IPO8: variants seen among roughly 807,000 people sequenced by gnomAD.
IPO8 encodes importin-8.
IPO8 carries 65 observed loss-of-function variants against 141.2 expected under a neutral mutation model. The ratio of observed to expected loss-of-function variants is 0.46; its 90% CI spans 0.38 to 0.57. The LOEUF is 0.57. IPO8 is among the 20% of genes least tolerant of loss of function. IPO8 has a pLI of 0.00. For synonymous variants in IPO8, 411 were observed against 420.3 expected (o/e 0.98, Z 0.27); for missense variants, 980 against 1,246.8 (o/e 0.79, Z 3.22).
At position 30,682,946 on chromosome 12, in the gene IPO8, C is replaced by T. The variant is rs1249444367; in HGVS notation, c.324-1129G>A. ...GGAGCAAAGCCACAGAGAACCGTCC[C>T]GTAATAAAGATAAAAGATCTCCTTT... On this transcript the variant is annotated intron_variant, in intron 3 of 24. Coordinates refer to ENST00000256079, the MANE Select transcript of IPO8 (RefSeq NM_006390.4). Among the ~76,000 whole-genome samples, 6 of 151,938 alleles carry T rather than the reference C, an allele frequency of 3.9e-5. No homozygotes were observed. The South Asian group carries it at 8.3e-4, about 21-fold the overall frequency.
At position 30,662,494 on chromosome 12, in the gene IPO8, C is replaced by T; in HGVS notation, c.1595-7G>A. ...GGCTTCATATATTCCTTAGCTAATT[C>T]AATAAAACAAACAAAAGTAATAAAA... On this transcript the variant is annotated splice_region_variant and splice_polypyrimidine_tract_variant and intron_variant, in intron 14 of 24. Transcript: ENST00000256079. The T allele has an allele frequency of 6.2e-7, 1 of 1,602,746 alleles. No homozygotes were observed. The highest frequency in any genetic ancestry group is 8.5e-7 in the Non-Finnish European group (1 of 1,172,126).
At chr12:30,669,093 T>C (rs2053010144) in intron 10 of IPO8, 90 bp downstream of exon 10, 5 of 560,540 alleles carry the variant, frequency 8.9e-6, no homozygotes, top group South Asian at 5.9e-5. Flanking sequence ...GGAGATTTAA[T>C]AAAGTAATAA....
In IPO8 at chr12:30,633,964, T is replaced by A. The variant is rs954985985; in HGVS notation, c.2899+119A>T. 3 of 799,816 alleles carry A rather than the reference T, an allele frequency of 3.8e-6. No homozygotes were observed. The African/African-American group carries it at 5.3e-5, about 14-fold the overall frequency. The allele number at this position is 799,816 out of a possible 1,614,324, so 49.5% of individuals were successfully genotyped here. On this transcript the variant is annotated intron_variant, in intron 23 of 24. Transcript: ENST00000256079. ...GTTTGGGGATTTCTATCATAAGGAA[T>A]AAACAAAAAAATTTTTAAAAGAACC...
chr12:30,680,509 A>T lies in IPO8; in HGVS notation c.612T>A (p.Ile204=), dbSNP rs777300965. The T allele has an allele frequency of 6.2e-7, 1 of 1,611,456 alleles. No homozygotes were observed. The highest frequency in any genetic ancestry group is 8.5e-7 in the Non-Finnish European group (1 of 1,178,886). The change falls in exon 5 of 25, where the codon ATT becomes ATA. Residue 204 remains isoleucine, a synonymous_variant. Transcript: ENST00000256079. ...SYYSVLLQKQ[I]LKIFYALVQY... is the part of the protein sequence containing the mutation. ...GAACAAGTGCATAAAAGATTTTCAG[A>T]ATTTGTTTCTGCAGTAATACAGAAT...
At position 30,637,076 on chromosome 12, in the gene IPO8, G is replaced by C. The variant is rs373155571; in HGVS notation, c.2601C>G (p.Phe867Leu). ...AGACCTGCTTTAGGCCAAGGAAAAG[G>C]AAAAGAATTGAGGGAACAATCTGTC... ...VVGQIVPSIL[F>L]LFLGLKQVCA... Residue 867 changes from phenylalanine to leucine, a missense_variant, in exon 22 of 25, where the codon TTC (phenylalanine) becomes TTG (leucine). Around this residue, in one of 3 missense-constraint regions of IPO8, gnomAD observed 924 missense variants for 1,153.9 expected, o/e 0.80. Coordinates refer to ENST00000256079, the MANE Select transcript of IPO8 (RefSeq NM_006390.4). The C allele has an allele frequency of 2.5e-5, 40 of 1,613,882 alleles. No homozygotes were observed. The highest frequency in any genetic ancestry group is 3.1e-5 in the Non-Finnish European group (37 of 1,179,966).
chr12:30,665,679 G>T, intron 12 of IPO8, 50 bp downstream of exon 12: 2 of 1,152,640 alleles, frequency 1.7e-6, no homozygotes, highest in Non-Finnish European at 2.6e-6. Context: ...TCTCTCATTT[G>T]CCTGTACTTT....
intron 17 of IPO8, among the ~76,000 whole-genome samples, chr12:30,655,077 G>C (rs78081737): frequency 0.038 from 5,826 of 152,062 alleles, 357 homozygotes; most frequent in African/African-American, 0.13. Context: ...ACTATGTTAA[G>C]TGAAATAAGC....
intron 3 of IPO8, among the ~76,000 whole-genome samples, chr12:30,683,436 T>C (rs73077887): frequency 0.059 from 8,972 of 152,252 alleles, 351 homozygotes; most frequent in Middle Eastern, 0.12. Flanking sequence ...CCTCTTGATA[T>C]TAAAAAATTT....
At chr12:30,683,095 C>A (rs1017041455) in intron 3 of IPO8, among the ~76,000 whole-genome samples, 5 of 152,096 alleles carry the variant, frequency 3.3e-5, no homozygotes, top group African/African-American at 9.7e-5. Context: ...TCATTCCAAG[C>A]AAAGGATGGT....
chr12:30,631,507 T>C (rs2052432068), intron 24 of IPO8: 1 of 170,250 alleles, frequency 5.9e-6, no homozygotes, highest in Non-Finnish European at 1.3e-5. Flanking sequence ...TAGAGAGCAT[T>C]CCATTTCCAG....
At position 30,671,034 on chromosome 12, in the gene IPO8, C is replaced by T. The variant is rs374586895; in HGVS notation, c.972G>A (p.Gln324=). ...CTTGGTTGAGATAGTTGAATGCTTG[C>T]TGAAGAACACGGGGAGCTACATATT... ...QKEYVAPRVL[Q]QAFNYLNQGV... is the part of the protein sequence containing the mutation. The change falls in exon 9 of 25, where the codon CAG becomes CAA. Residue 324 remains glutamine, a synonymous_variant. Coordinates refer to ENST00000256079, the MANE Select transcript of IPO8 (RefSeq NM_006390.4). The T allele has an allele frequency of 5.6e-6, 9 of 1,612,310 alleles. No individual in the cohort carries two copies. The highest frequency in any genetic ancestry group is 6.8e-6 in the Non-Finnish European group (8 of 1,178,500).
In IPO8 at chr12:30,634,171, C is replaced by T. The variant is rs1185259399; in HGVS notation, c.2811G>A (p.Leu937=). The change falls in exon 23 of 25, where the codon TTG becomes TTA. Residue 937 remains leucine, a synonymous_variant. Coordinates refer to ENST00000256079, the MANE Select transcript of IPO8 (RefSeq NM_006390.4). ...TGAACCCCTCAAGCGCGGTTTCTTC[C>T]AATACTTCTTCATCCCAGTCATCAT... The part of the protein sequence containing the change: ...EEDDDWDEEV[L]EETALEGFST... The T allele has an allele frequency of 6.2e-7, 1 of 1,613,994 alleles. No individual in the cohort carries two copies.
chr12:30,637,411 A>C (rs936687013), intron 21 of IPO8, among the ~76,000 whole-genome samples: 3 of 152,210 alleles, frequency 2.0e-5, no homozygotes, highest in African/African-American at 7.2e-5. Flanking sequence ...TAACATGGTG[A>C]ATCTTGCTGT....
intron 10 of IPO8, among the ~76,000 whole-genome samples, chr12:30,668,164 T>C (rs995040656): frequency 1.1e-4 from 17 of 152,162 alleles, no homozygotes; most frequent in African/African-American, 4.1e-4. Context: ...ATATGAATAA[T>C]GATTTTCAAA....
rs768435907 is a variant in IPO8 at position 30,632,130 on chromosome 12, G to A, written c.2900-119C>T. The A allele has an allele frequency of 3.2e-4, 205 of 633,762 alleles. 1 individual carries two copies. Among genetic ancestry groups the A allele is most frequent in the Non-Finnish European group, 5.0e-5 (18 of 362,638 alleles). The allele number at this position is 633,762 out of a possible 1,614,324, so 39.3% of individuals were successfully genotyped here. A position where few individuals can be genotyped will look rare whatever the true frequency, so the allele number is the denominator to read the frequency against. On this transcript the variant is annotated intron_variant, in intron 23 of 24. Transcript: ENST00000256079. ...CAGACAGTAAGAGACAAAGAGTACAGTACTACAACACACACAAGGTAATGA... is the reference window on the plus strand; with the variant it reads ...CAGACAGTAAGAGACAAAGAGTACAATACTACAACACACACAAGGTAATGA...
chr12:30,645,628 G>GA (rs1457116070), intron 20 of IPO8, among the ~76,000 whole-genome samples: 1 of 151,560 alleles, frequency 6.6e-6, no homozygotes, highest in South Asian at 2.1e-4. Flanking sequence ...AGTCAACTAA[G>GA]AAAAAAAGAG....
intron 8 of IPO8, 118 bp from the exon 9 acceptor site, chr12:30,671,214 G>A (rs1397763698): frequency 3.2e-6 from 2 of 630,208 alleles, no homozygotes; most frequent in Admixed American, 5.6e-5. Context: ...AGATTTGGGA[G>A]AAAAATCAAT....
Position 30,654,922 on chromosome 12 carries a change from T to A in IPO8, c.1948+1762A>T, listed in dbSNP as rs1042634298. ...CCTCCTATGTTCACTGAAGCATGTT[T>A]CACAATAACCAAGATATGAAAATAC... On this transcript the variant is annotated intron_variant, in intron 17 of 24. Coordinates refer to ENST00000256079, the MANE Select transcript of IPO8 (RefSeq NM_006390.4). Among the ~76,000 whole-genome samples the A allele has an allele frequency of 2.0e-5, 3 of 152,042 alleles. No individual in the cohort carries two copies. The East Asian group carries it at 5.8e-4, about 29-fold the overall frequency.
intron 1 of IPO8, among the ~76,000 whole-genome samples, chr12:30,693,729 T>C (rs1394365985): frequency 6.6e-6 from 1 of 152,216 alleles, no homozygotes; most frequent in African/African-American, 2.4e-5. Flanking sequence ...CACTATGCTT[T>C]ATATAAATTA....
Sources: allele counts gnomAD v4.1 joint callset (sites outside exome capture counted in the v4.1 genomes callset), GRCh38; gene constraint gnomAD v4.1.1; regional missense constraint gnomAD v4.1.1; transcripts MANE v1.5; gene names NCBI Gene and HGNC (gene_info 2026-07-23, HGNC 2026-07-21).